DPRX: variants seen among roughly 807,000 people sequenced by gnomAD.
DPRX encodes divergent paired-related homeobox.
A neutral mutation model predicts 8.4 loss-of-function variants in DPRX; 11 were observed. That is an observed-to-expected ratio of 1.31 (90% confidence interval 0.82 to 2.17). DPRX has a LOEUF of 2.17. Ranked by LOEUF, DPRX falls within the 30% of genes most tolerant of loss-of-function variation. DPRX has a pLI of 0.00. For synonymous variants in DPRX, 72 were observed against 87.0 expected (o/e 0.83, Z 0.96); for missense variants, 211 against 236.7 (o/e 0.89, Z 0.71).
the DPRX span, among the ~76,000 whole-genome samples, chr19:53,618,067 G>A: frequency 6.6e-6 from 1 of 151,594 alleles, no homozygotes; most frequent in Non-Finnish European, 1.5e-5. Flanking sequence ...ACGTGAACCT[G>A]GGAGGCGGAG....
upstream of DPRX, among the ~76,000 whole-genome samples, chr19:53,627,612 C>G (rs1456166398): frequency 6.6e-6 from 1 of 150,430 alleles, no homozygotes; most frequent in Non-Finnish European, 1.5e-5. Flanking sequence ...AATTTTTGTA[C>G]TTTTTTAGCA....
the DPRX span, among the ~76,000 whole-genome samples, chr19:53,616,002 C>T: frequency 6.6e-6 from 1 of 152,016 alleles, no homozygotes; most frequent in African/African-American, 2.4e-5. Context: ...CCTGTAATCC[C>T]AGCACTTTGG....
At chr19:53,602,143 A>G in the DPRX span, 4 of 456,698 alleles carry the variant, frequency 8.8e-6, no homozygotes, top group South Asian at 6.2e-5. Flanking sequence ...AATACCAGGC[A>G]TAGCATGGAC....
exon 2 of DPRX, chr19:53,634,546 A>G: frequency 6.2e-7 from 1 of 1,613,476 alleles, no homozygotes; most frequent in Non-Finnish European, 8.5e-7. Context: ...GACCAGATGC[A>G]TTCACACAGG....
rs2091104745 is a variant in DPRX at position 53,634,461 on chromosome 19, G to A, written c.29-70G>A. On this transcript the variant is annotated intron_variant, in intron 1 of 2. Coordinates refer to ENST00000376650, the Ensembl canonical transcript of DPRX. ...ACGTTGTACCTCAGTGGAAAGGAAA[G>A]GAAAGCTCAGGCTTTTGAGAATGGA... 57 of 1,540,900 alleles carry A rather than the reference G, an allele frequency of 3.7e-5. 2 individuals are homozygous for A. The South Asian group carries it at 6.7e-4, about 18-fold the overall frequency.
chr19:53,630,302 C>T (rs1434215351), upstream of DPRX, among the ~76,000 whole-genome samples: 1 of 148,478 alleles, frequency 6.7e-6, no homozygotes, highest in Non-Finnish European at 1.5e-5. Flanking sequence ...CTGCCTCTTA[C>T]TAATCCCAGC....
chr19:53,634,669 A>G, exon 2 of DPRX: 1 of 1,613,600 alleles, frequency 6.2e-7, no homozygotes, highest in Non-Finnish European at 8.5e-7. Context: ...ATAGACATAC[A>G]CCCAACAGTA....
chr19:53,631,839 A>C (rs762393890), upstream of DPRX, among the ~76,000 whole-genome samples: 11 of 151,760 alleles, frequency 7.2e-5, no homozygotes, highest in Non-Finnish European at 1.6e-4. Context: ...CATTTTAACA[A>C]CTCCCAGGAG....
chr19:53,623,853 G>A, the DPRX span, among the ~76,000 whole-genome samples: 2 of 151,456 alleles, frequency 1.3e-5, no homozygotes, highest in African/African-American at 4.8e-5. Flanking sequence ...AGGAGGCTGA[G>A]GGAGGAGAAC....
At chr19:53,616,952 A>T in the DPRX span, 484 of 1,281,284 alleles carry the variant, frequency 3.8e-4, 4 homozygotes, top group South Asian at 3.9e-3. Flanking sequence ...GGAATCGTTT[A>T]TGATGTTACG....
At chr19:53,628,051 T>G (rs952578619), upstream of DPRX, among the ~76,000 whole-genome samples, 2 of 152,006 alleles carry the variant, frequency 1.3e-5, no homozygotes, top group Admixed American at 1.3e-4. Flanking sequence ...AAAAAATTTC[T>G]AAAGCAAGCG....
chr19:53,612,119 C>T, the DPRX span, among the ~76,000 whole-genome samples: 17 of 151,650 alleles, frequency 1.1e-4, 1 homozygote, highest in Admixed American at 5.3e-4. Context: ...CAGTGGCTCA[C>T]GCCTGTAAAA....
the DPRX span, among the ~76,000 whole-genome samples, chr19:53,613,095 A>G: frequency 6.6e-6 from 1 of 152,142 alleles, no homozygotes; most frequent in Admixed American, 6.6e-5. Context: ...TGGGAAAGAC[A>G]GTTTCTAGTT....
At chr19:53,615,041 G>A in the DPRX span, among the ~76,000 whole-genome samples, 1 of 151,660 alleles carries the variant, frequency 6.6e-6, no homozygotes, top group East Asian at 1.9e-4. Context: ...AATTTACTTT[G>A]TTCTGTTGAT....
At chr19:53,621,211 A>G in the DPRX span, among the ~76,000 whole-genome samples, 1 of 151,890 alleles carries the variant, frequency 6.6e-6, no homozygotes, top group African/African-American at 2.4e-5. Flanking sequence ...AGGTTCACTA[A>G]AGTCCCAACC....
chr19:53,620,361 A>G, the DPRX span, among the ~76,000 whole-genome samples: 327 of 143,402 alleles, frequency 2.3e-3, 2 homozygotes, highest in East Asian at 6.9e-3. Flanking sequence ...GAGCCACCGT[A>G]CCCGGCCTAT....
chr19:53,603,041 A>G, the DPRX span, among the ~76,000 whole-genome samples: 10 of 150,342 alleles, frequency 6.7e-5, no homozygotes, highest in Admixed American at 2.7e-4. Flanking sequence ...GTGTGTGTAT[A>G]TATATATATG....
the DPRX span, among the ~76,000 whole-genome samples, chr19:53,613,629 G>A: frequency 1.6e-4 from 24 of 151,586 alleles, 1 homozygote; most frequent in Admixed American, 1.6e-3. Flanking sequence ...CAAAGTGCTG[G>A]GACTACAGGC....
At chr19:53,605,286 C>T in the DPRX span, among the ~76,000 whole-genome samples, 1 of 152,004 alleles carries the variant, frequency 6.6e-6, no homozygotes, top group East Asian at 1.9e-4. Flanking sequence ...CATCATACCT[C>T]CCTGCAGCCC....
Sources: gnomAD v4.1 joint callset for allele counts (sites outside exome capture counted in the v4.1 genomes callset) on GRCh38, gnomAD v4.1.1 for gene constraint, MANE v1.5 for transcripts, NCBI Gene and HGNC (gene_info 2026-07-23, HGNC 2026-07-21) for gene names.